RNF144A: variants seen among roughly 807,000 people sequenced by gnomAD.
RNF144A encodes ring finger protein 144A.
Under a neutral mutation model 38.7 loss-of-function variants are expected in RNF144A, and 11 were observed. The ratio of observed to expected loss-of-function variants is 0.28; its 90% CI spans 0.18 to 0.47. The LOEUF is 0.47. RNF144A is among the 20% of genes least tolerant of loss of function. RNF144A has a pLI of 0.99. For missense variants in RNF144A, 316 were observed against 377.2 expected, an observed-to-expected ratio of 0.84 and a Z score of 1.34; for synonymous variants, 149 against 143.9, an observed-to-expected ratio of 1.04 and a Z score of -0.25.
intron 3 of RNF144A, among the ~76,000 whole-genome samples, chr2:6,998,172 CA>C (rs34548361): frequency 1.1e-3 from 155 of 145,676 alleles, no homozygotes; most frequent in Middle Eastern, 3.6e-3. Flanking sequence ...AAACTGTCTT[CA>C]AAAAAAAAAA....
At chr2:7,024,311 C>T in intron 6 of RNF144A, 58 bp from the exon 7 acceptor site, 3 of 1,493,882 alleles carry the variant, frequency 2.0e-6, no homozygotes, top group Non-Finnish European at 2.7e-6. Flanking sequence ...ATAGCCAGTG[C>T]TCCTGGGTCT....
Position 7,040,960 on chromosome 2 carries a change from C to T in RNF144A, c.*1200C>T. 2.0e-6 allele frequency: 2 copies of T among 985,380 alleles called. No individual in the cohort carries two copies. The highest frequency in any genetic ancestry group is 2.4e-6 in the Non-Finnish European group (2 of 829,874). 61.0% of individuals were successfully genotyped at this position (985,380 alleles called of 1,614,324 possible). On this transcript the variant is annotated 3_prime_UTR_variant, in exon 9 of 9. Transcript: ENST00000320892. The stretch of plus-strand genomic sequence containing the variant: ...TTTACAGGGCTGTCTGTGACCATTT[C>T]CATGGCAGCAGGATGCAGGGATTAA...
rs1223860190 is a variant in RNF144A, at chr2:6,997,008, C to T, written c.82C>T (p.Pro28Ser). 2 of 1,614,002 alleles carry T rather than the reference C, an allele frequency of 1.2e-6. No homozygotes were observed. The highest frequency in any genetic ancestry group is 2.2e-5 in the East Asian group (1 of 44,900). The part of the protein sequence containing the change: ...VSCKLCLGEY[P>S]VEQMTTIAQC... The stretch of plus-strand genomic sequence containing the variant: ...TTGCAAGCTCTGTCTTGGGGAGTAC[C>T]CAGTGGAGCAGATGACAACCATAGC... Residue 28 changes from proline to serine, a missense_variant, in exon 3 of 9, where the codon CCA becomes TCA. Coordinates refer to ENST00000320892, the MANE Select transcript of RNF144A (RefSeq NM_014746.6).
At chr2:7,061,867 A>T (rs1046305085) in intron 6 of RNF144A, among the ~76,000 whole-genome samples, 1 of 152,228 alleles carries the variant, frequency 6.6e-6, no homozygotes. Context: ...TATTGTATGT[A>T]TTGTAAATAA....
chr2:6,978,737 C>G (rs1489501717), intron 2 of RNF144A: 1 of 152,572 alleles, frequency 6.6e-6, no homozygotes, highest in African/African-American at 2.4e-5. Flanking sequence ...GAGCCTGGAC[C>G]CTGTCTGTTT....
chr2:6,984,077 A>G (rs1320233868), intron 2 of RNF144A, among the ~76,000 whole-genome samples: 2 of 152,156 alleles, frequency 1.3e-5, no homozygotes, highest in East Asian at 1.9e-4. Flanking sequence ...TTTCTGGTGC[A>G]TCGGGGTGCT....
At chr2:6,934,892 T>C (rs1283910867) in intron 1 of RNF144A, among the ~76,000 whole-genome samples, 1 of 152,234 alleles carries the variant, frequency 6.6e-6, no homozygotes, top group East Asian at 1.9e-4. Context: ...TTGCAGTAGC[T>C]GTGCTTTTGC....
chr2:7,050,105 G>A (rs1402867290), intron 6 of RNF144A, among the ~76,000 whole-genome samples: 1 of 152,184 alleles, frequency 6.6e-6, no homozygotes, highest in Non-Finnish European at 1.5e-5. Flanking sequence ...GAGTGAGTAG[G>A]ACCTGGTTCC....
At chr2:7,039,540 A>T in intron 8 of RNF144A, 89 bp from the exon 9 acceptor site, 1 of 1,545,130 alleles carries the variant, frequency 6.5e-7, no homozygotes. Context: ...GGATGGATGG[A>T]TGGGTAGCTG....
At chr2:6,999,353 CTGTG>C (rs936684900) in intron 3 of RNF144A, among the ~76,000 whole-genome samples, 2 of 152,198 alleles carry the variant, frequency 1.3e-5, no homozygotes, top group African/African-American at 4.8e-5. Flanking sequence ...GCCTTCCCCT[CTGTG>C]TGGGCTGCAG....
intron 3 of RNF144A, among the ~76,000 whole-genome samples, chr2:7,013,251 T>C (rs1045766323): frequency 2.6e-5 from 4 of 152,220 alleles, no homozygotes; most frequent in African/African-American, 9.7e-5. Flanking sequence ...CCACCCTAAA[T>C]TGCAGATCAG....
At chr2:7,063,963 G>A (rs1674084020) in intron 6 of RNF144A, among the ~76,000 whole-genome samples, 1 of 152,156 alleles carries the variant, frequency 6.6e-6, no homozygotes, top group African/African-American at 2.4e-5. Flanking sequence ...CAAGAGCGTG[G>A]CACCAGCATC....
chr2:7,069,712 C>T (rs1020678991), downstream of RNF144A, among the ~76,000 whole-genome samples: 1 of 152,184 alleles, frequency 6.6e-6, no homozygotes, highest in African/African-American at 2.4e-5. Context: ...GAGTTGAGCA[C>T]AGGTAATTTG....
intron 2 of RNF144A, among the ~76,000 whole-genome samples, chr2:6,947,645 A>T (rs1666424245): frequency 1.3e-5 from 2 of 152,166 alleles, no homozygotes; most frequent in Admixed American, 1.3e-4. Flanking sequence ...GTTCTATTGA[A>T]TTTTTTTGAT....
intron 6 of RNF144A, among the ~76,000 whole-genome samples, chr2:7,049,197 C>G (rs554170139): frequency 6.6e-6 from 1 of 152,224 alleles, no homozygotes; most frequent in East Asian, 1.9e-4. Flanking sequence ...GATGGGCTGG[C>G]CTTCCAGGCA....
At chr2:6,932,915 C>A (rs1665292295) in intron 1 of RNF144A, 1 of 152,194 alleles carries the variant, frequency 6.6e-6, no homozygotes, top group Non-Finnish European at 1.5e-5. Context: ...CACTGCAGGG[C>A]AACTCTAAAG....
At chr2:7,002,874 G>A (rs1001671006) in intron 3 of RNF144A, among the ~76,000 whole-genome samples, 4 of 152,236 alleles carry the variant, frequency 2.6e-5, no homozygotes, top group Admixed American at 6.5e-5. Flanking sequence ...TGGTGTTACT[G>A]CCCCTGAAGA....
Position 7,042,443 on chromosome 2 carries a change from G to A in RNF144A, c.*2683G>A, listed in dbSNP as rs987095571. On this transcript the variant is annotated 3_prime_UTR_variant, in exon 9 of 9. Coordinates refer to ENST00000320892, the MANE Select transcript of RNF144A (RefSeq NM_014746.6). ...TGCAAGCCCCAGAAGCATATGGCAT[G>A]TGTTCACTAAGAGGCCTTTAATCCT... 2.9e-5 allele frequency: 29 copies of A among 985,480 alleles called. No individual in the cohort carries two copies. Among genetic ancestry groups the A allele is most frequent in the African/African-American group, 7.0e-5 (4 of 57,382 alleles). 61.0% of individuals were successfully genotyped at this position (985,480 alleles called of 1,614,324 possible).
intron 2 of RNF144A, among the ~76,000 whole-genome samples, chr2:6,965,606 G>A (rs558149241): frequency 4.3e-4 from 65 of 152,180 alleles, no homozygotes; most frequent in Non-Finnish European, 7.9e-4. Flanking sequence ...GGGTGGAGCT[G>A]CAGGCCCGTG....
Sources: gnomAD v4.1 joint callset for allele counts (sites outside exome capture counted in the v4.1 genomes callset) on GRCh38, gnomAD v4.1.1 for gene constraint, MANE v1.5 for transcripts, NCBI Gene and HGNC (gene_info 2026-07-23, HGNC 2026-07-21) for gene names.